SAMD13: variants seen among roughly 807,000 people sequenced by gnomAD.
SAMD13 encodes the protein sterile alpha motif domain containing 13, also known as sterile alpha motif domain-containing protein 13.
A neutral mutation model predicts 12.4 loss-of-function variants in SAMD13; 9 were observed. The observed-to-expected ratio is 0.72, with a 90% confidence interval of 0.44 to 1.26. SAMD13 has a LOEUF of 1.26. Among genes scored for constraint, SAMD13 ranks in the 50% most tolerant of loss-of-function variants. SAMD13 has a pLI of 0.00. For missense variants in SAMD13, 84 were observed against 119.6 expected (o/e 0.70, Z 1.39); for synonymous variants, 46 against 45.4 (o/e 1.01, Z -0.05).
rs143398094 is a variant in SAMD13, at chr1:84,312,008, G to C, written c.53+8721G>C. Among the ~76,000 whole-genome samples, 612 of 152,230 alleles carry C rather than the reference G, an allele frequency of 4.0e-3. 2 individuals carry two copies. Among genetic ancestry groups the C allele is most frequent in the African/African-American group, 0.014 (566 of 41,560 alleles). On this transcript the variant is annotated intron_variant, in intron 2 of 3. Transcript: ENST00000394834. ...AGTTGGTCTTAGGTTTTGTTAGAAAGACCTTGTATTCTTCAGGCAATTGTT... is the reference window on the plus strand; with the variant it reads ...AGTTGGTCTTAGGTTTTGTTAGAAACACCTTGTATTCTTCAGGCAATTGTT...
rs1389504789 is a variant in SAMD13, at chr1:84,322,279, T to C, written c.54-3358T>C. Among the ~76,000 whole-genome samples, 3 of 152,054 alleles carry C rather than the reference T, an allele frequency of 2.0e-5. No individual in the cohort carries two copies. In the East Asian group the frequency reaches 5.8e-4, roughly 29 times the overall value. ...AGACAGGCTTTTAATAAATATCTGT[T>C]GTGTCAATGAATAAGTATAGTGGAA... On this transcript the variant is annotated intron_variant, in intron 2 of 3. Transcript: ENST00000394834.
intron 2 of SAMD13, among the ~76,000 whole-genome samples, chr1:84,318,042 C>T (rs996214126): frequency 4.6e-5 from 7 of 151,934 alleles, no homozygotes; most frequent in African/African-American, 1.4e-4. Context: ...TTTTTCATTT[C>T]TGCTTTTATT....
At position 84,350,300 on chromosome 1, in the gene SAMD13, T is replaced by C. The variant is rs1328536756; in HGVS notation, c.*526T>C. ...GGTTCTCCACTTGACCTTATTAAGG[T>C]TTTATTGGGATATGCTGCAGTGTTT... On this transcript the variant is annotated 3_prime_UTR_variant, in exon 4 of 4. Transcript: ENST00000394834. 6.6e-6 allele frequency: 1 copy of C among 152,398 alleles called. No homozygotes were observed. The highest frequency in any genetic ancestry group is 1.9e-4 in the East Asian group (1 of 5,200). 9.4% of individuals were successfully genotyped at this position (152,398 alleles called of 1,614,324 possible).
chr1:84,333,718 G>A (rs1333368180), intron 3 of SAMD13, among the ~76,000 whole-genome samples: 1 of 151,674 alleles, frequency 6.6e-6, no homozygotes, highest in Non-Finnish European at 1.5e-5. Flanking sequence ...TTATTTTGAG[G>A]TATTTAACTT....
chr1:84,301,785 T>A lies in SAMD13; in HGVS notation c.-49T>A, dbSNP rs1378126729. On this transcript the variant is annotated 5_prime_UTR_variant, in exon 1 of 4. Coordinates refer to ENST00000394834, the MANE Select transcript of SAMD13 (RefSeq NM_001134663.2). Reference sequence around the variant, plus strand: ...TTGATAAGCCTATAAAAAATGATATTTTTTAGTTGCTTATAGGTAGGTTTT... The same window carrying A: ...TTGATAAGCCTATAAAAAATGATATATTTTAGTTGCTTATAGGTAGGTTTT... The A allele has an allele frequency of 1.0e-6, 1 of 984,936 alleles. No homozygotes were observed. The highest frequency in any genetic ancestry group is 1.2e-6 in the Non-Finnish European group (1 of 829,632). 61.0% of individuals were successfully genotyped at this position (984,936 alleles called of 1,614,324 possible). A position where few individuals can be genotyped will look rare whatever the true frequency, so the allele number is the denominator to read the frequency against.
chr1:84,349,846 T>A lies in SAMD13; in HGVS notation c.*72T>A. 1 of 1,553,284 alleles carries A rather than the reference T, an allele frequency of 6.4e-7. No individual in the cohort carries two copies. Among genetic ancestry groups the A allele is most frequent in the Admixed American group, 2.0e-5 (1 of 51,074 alleles). Reference sequence around the variant, plus strand: ...AATTTAGTTTCATGTAATGAAACTTTGTAAACAGAATACATACATGTGTAT... The same window carrying A: ...AATTTAGTTTCATGTAATGAAACTTAGTAAACAGAATACATACATGTGTAT... On this transcript the variant is annotated 3_prime_UTR_variant, in exon 4 of 4. Coordinates refer to ENST00000394834, the MANE Select transcript of SAMD13 (RefSeq NM_001134663.2).
intron 2 of SAMD13, among the ~76,000 whole-genome samples, chr1:84,324,404 C>T (rs1237518313): frequency 2.0e-5 from 3 of 152,168 alleles, no homozygotes; most frequent in Non-Finnish European, 2.9e-5. Flanking sequence ...TTCTGGCTGT[C>T]TTTTAGATCG....
At chr1:84,304,359 A>G (rs1290760967) in intron 2 of SAMD13, 3 of 152,178 alleles carry the variant, frequency 2.0e-5, no homozygotes, top group African/African-American at 4.8e-5. Context: ...AGTACTTTCA[A>G]CAATGATGGA....
chr1:84,341,805 T>C (rs1200205242), intron 3 of SAMD13, among the ~76,000 whole-genome samples: 1 of 152,120 alleles, frequency 6.6e-6, no homozygotes, highest in East Asian at 1.9e-4. Context: ...CTCTTTTGGT[T>C]GATGACATGA....
chr1:84,336,300 A>G (rs940076529), intron 3 of SAMD13, among the ~76,000 whole-genome samples: 3 of 151,992 alleles, frequency 2.0e-5, no homozygotes, highest in Admixed American at 6.6e-5. Flanking sequence ...GAGCCAGTGT[A>G]TTGGTCCATT....
chr1:84,324,026 A>G (rs1219968530), intron 2 of SAMD13, among the ~76,000 whole-genome samples: 1 of 152,080 alleles, frequency 6.6e-6, no homozygotes, highest in Non-Finnish European at 1.5e-5. Flanking sequence ...TACTCCCTCC[A>G]TTCTCTATGT....
chr1:84,338,273 G>A (rs144119005), intron 3 of SAMD13, among the ~76,000 whole-genome samples: 11 of 152,134 alleles, frequency 7.2e-5, no homozygotes, highest in African/African-American at 2.7e-4. Flanking sequence ...ATCCAAGACT[G>A]GGCAATGTAC....
intron 3 of SAMD13, among the ~76,000 whole-genome samples, chr1:84,333,430 C>T (rs553001122): frequency 2.6e-4 from 40 of 152,076 alleles, no homozygotes; most frequent in Non-Finnish European, 5.3e-4. Flanking sequence ...TTCACCTCCC[C>T]GGTTAGCTGT....
At chr1:84,336,208 A>G (rs1679284118) in intron 3 of SAMD13, among the ~76,000 whole-genome samples, 2 of 152,096 alleles carry the variant, frequency 1.3e-5, no homozygotes, top group Non-Finnish European at 2.9e-5. Context: ...TGGTCTCTTT[A>G]CATAATCCCA....
chr1:84,299,514 A>T, upstream of SAMD13: 1 of 1,045,890 alleles, frequency 9.6e-7, no homozygotes, highest in Non-Finnish European at 1.3e-6. Flanking sequence ...ACCCCCACAT[A>T]CGTACCACAC....
chr1:84,328,697 T>C (rs1679111249), intron 3 of SAMD13, among the ~76,000 whole-genome samples: 1 of 152,162 alleles, frequency 6.6e-6, no homozygotes, highest in Non-Finnish European at 1.5e-5. Context: ...GGAGTCTTCC[T>C]GGCAATGAAC....
intron 1 of SAMD13, 60 bp downstream of exon 1, chr1:84,301,861 T>A (rs920461286): frequency 1.4e-6 from 1 of 699,388 alleles, no homozygotes; most frequent in African/African-American, 1.9e-5. Flanking sequence ...AATAAGACAA[T>A]GTAGTGTGGT....
chr1:84,325,809 C>G, intron 3 of SAMD13, 61 bp downstream of exon 3: 2 of 1,006,946 alleles, frequency 2.0e-6, no homozygotes, highest in Non-Finnish European at 3.1e-6. Context: ...ACCTCCCTTC[C>G]CAACAGTGGG....
intron 3 of SAMD13, among the ~76,000 whole-genome samples, chr1:84,340,966 G>A (rs946356894): frequency 5.3e-5 from 8 of 152,128 alleles, no homozygotes; most frequent in Non-Finnish European, 1.0e-4. Flanking sequence ...ACAAAAATAT[G>A]GAGAAACGGT....
Sources: gnomAD v4.1 joint callset for allele counts (sites outside exome capture counted in the v4.1 genomes callset) on GRCh38, gnomAD v4.1.1 for gene constraint, MANE v1.5 for transcripts, NCBI Gene and HGNC (gene_info 2026-07-23, HGNC 2026-07-21) for gene names.